The following ARHGEF6 variants were observed in gnomAD, a reference collection of about 807,000 sequenced individuals.
The protein encoded by ARHGEF6 is Rac/Cdc42 guanine nucleotide exchange factor 6.
In ARHGEF6, 9 loss-of-function variants were observed where a neutral mutation model predicts 70.3. The observed-to-expected ratio is 0.13, with a 90% CI of 0.08 to 0.22. The LOEUF is 0.22. ARHGEF6 is among the 10% of genes least tolerant of loss of function. The probability of loss-of-function intolerance (pLI) is 1.00; values close to 1 mark genes in which losing one functional copy is unlikely to be tolerated. For synonymous variants in ARHGEF6, 201 were observed against 207.8 expected, an observed-to-expected ratio of 0.97 and a Z score of 0.28; for missense variants, 470 against 563.0, an observed-to-expected ratio of 0.83 and a Z score of 1.67.
At chrX:136,687,294 C>A (rs1486872919) in intron 11 of ARHGEF6, among the ~76,000 whole-genome samples, 1 of 112,030 alleles carries the variant, frequency 8.9e-6, no homozygotes, top group East Asian at 2.8e-4. Flanking sequence ...ACTTATAATG[C>A]TACAGAATTG....
chrX:136,780,676 C>G, intron 1 of ARHGEF6, 42 bp downstream of exon 1: 1 of 1,133,545 alleles, frequency 8.8e-7, no homozygotes, highest in Non-Finnish European at 1.2e-6. Context: ...TTGCTGCTCT[C>G]TGGTGATAAG....
chrX:136,776,896 TAAA>T (rs2077409678), intron 2 of ARHGEF6, among the ~76,000 whole-genome samples: 1 of 108,125 alleles, frequency 9.2e-6, no homozygotes, highest in African/African-American at 3.3e-5. Context: ...AATAAATAAA[TAAA>T]TAAATAAATA....
At chrX:136,688,105 A>G (rs2076423050) in intron 10 of ARHGEF6, 114 bp from the exon 11 acceptor site, 1 of 562,818 alleles carries the variant, frequency 1.8e-6, no homozygotes, top group East Asian at 3.4e-5. Flanking sequence ...ATTTTGGGGG[A>G]TGATGGAACT....
intron 12 of ARHGEF6, among the ~76,000 whole-genome samples, chrX:136,685,103 G>A (rs187105628): frequency 9.0e-6 from 1 of 111,230 alleles, no homozygotes; most frequent in Non-Finnish European, 1.9e-5. Flanking sequence ...CTACAGGCTG[G>A]TTTCCTTACT....
chrX:136,705,257 T>C (rs2076614968), intron 9 of ARHGEF6, among the ~76,000 whole-genome samples: 1 of 105,478 alleles, frequency 9.5e-6, no homozygotes, highest in Admixed American at 1.0e-4. Flanking sequence ...GTTGCAGTTG[T>C]GCTCCAGCCT....
intron 9 of ARHGEF6, among the ~76,000 whole-genome samples, chrX:136,706,380 C>T (rs190107980): frequency 1.8e-5 from 2 of 111,747 alleles, no homozygotes; most frequent in Admixed American, 9.5e-5. Context: ...ACTTTCTCTA[C>T]GCAGACTAGG....
chrX:136,707,736 G>A (rs1639432191), intron 8 of ARHGEF6, among the ~76,000 whole-genome samples: 1 of 111,375 alleles, frequency 9.0e-6, no homozygotes, highest in African/African-American at 3.3e-5. Context: ...CTTTAGTGTG[G>A]GCCCTCTCCA....
intron 9 of ARHGEF6, among the ~76,000 whole-genome samples, chrX:136,696,594 G>GA (rs2076514343): frequency 9.1e-6 from 1 of 109,942 alleles, no homozygotes; most frequent in Non-Finnish European, 1.9e-5. Context: ...CTCCAGCCTG[G>GA]GTGACAGAGC....
At chrX:136,739,234 C>T (rs914147603) in intron 5 of ARHGEF6, among the ~76,000 whole-genome samples, 1 of 111,999 alleles carries the variant, frequency 8.9e-6, no homozygotes, top group Non-Finnish European at 1.9e-5. Flanking sequence ...TTCTATCCTT[C>T]AAGACCCAAT....
intron 10 of ARHGEF6, among the ~76,000 whole-genome samples, chrX:136,690,063 G>C: frequency 8.9e-6 from 1 of 112,115 alleles, no homozygotes; most frequent in Non-Finnish European, 1.9e-5. Context: ...ATGATGTGTA[G>C]AGAGATACCA....
chrX:136,766,291 G>GT (rs1442729376), intron 2 of ARHGEF6, among the ~76,000 whole-genome samples: 3 of 92,052 alleles, frequency 3.3e-5, no homozygotes, highest in Non-Finnish European at 6.2e-5. Context: ...GCAAATATAA[G>GT]TTTAAAAAAA....
At chrX:136,701,702 CTTTTTTTTTTTTT>C (rs762628006) in intron 9 of ARHGEF6, among the ~76,000 whole-genome samples, 9 of 68,223 alleles carry the variant, frequency 1.3e-4, no homozygotes, top group African/African-American at 5.5e-4. Context: ...TTTCATTTTT[CTTTTTTTTTTTTT>C]TTTTTTTTTT....
chrX:136,771,427 G>A (rs1045322312), intron 2 of ARHGEF6, among the ~76,000 whole-genome samples: 1 of 111,950 alleles, frequency 8.9e-6, no homozygotes, highest in Non-Finnish European at 1.9e-5. Context: ...TGAAGGACCC[G>A]CTTTTAAAAC....
chrX:136,752,697 T>C (rs748106323), intron 2 of ARHGEF6, among the ~76,000 whole-genome samples: 21 of 112,107 alleles, frequency 1.9e-4, no homozygotes, highest in African/African-American at 6.2e-4. Context: ...TACTCAAGAG[T>C]TAAAAGTCTA....
chrX:136,753,458 T>C (rs1253439709), intron 2 of ARHGEF6, among the ~76,000 whole-genome samples: 5 of 111,519 alleles, frequency 4.5e-5, no homozygotes, highest in Admixed American at 9.5e-5. Context: ...GTGAGAGGTC[T>C]TGTGGTCCAT....
At chrX:136,686,657 T>C (rs1271512784) in intron 11 of ARHGEF6, among the ~76,000 whole-genome samples, 1 of 81,855 alleles carries the variant, frequency 1.2e-5, no homozygotes, top group African/African-American at 4.7e-5. Context: ...CATATATATA[T>C]ACACATGTGT....
chrX:136,685,972 T>C, intron 11 of ARHGEF6, 149 bp from the exon 12 acceptor site: 1 of 608,670 alleles, frequency 1.6e-6, no homozygotes, highest in South Asian at 2.9e-5. Flanking sequence ...CTGTTCTTGA[T>C]AGACAGAAAG....
At chrX:136,744,093 G>A (rs1273999012) in intron 4 of ARHGEF6, among the ~76,000 whole-genome samples, 4 of 111,518 alleles carry the variant, frequency 3.6e-5, no homozygotes, top group African/African-American at 6.5e-5. Flanking sequence ...AGATAACAAA[G>A]TAGAGTGATA....
At chrX:136,738,619 A>G (rs927911684) in intron 5 of ARHGEF6, among the ~76,000 whole-genome samples, 2 of 112,201 alleles carry the variant, frequency 1.8e-5, no homozygotes, top group Admixed American at 1.9e-4. Flanking sequence ...TTCTTACACT[A>G]CAGTATGAAC....
Sources: allele counts gnomAD v4.1 joint callset (sites outside exome capture counted in the v4.1 genomes callset), GRCh38; gene constraint gnomAD v4.1.1; transcripts MANE v1.5; gene names NCBI Gene and HGNC (gene_info 2026-07-23, HGNC 2026-07-21).